USP42: variants seen among roughly 807,000 people sequenced by gnomAD.
USP42 encodes ubiquitin carboxyl-terminal hydrolase 42.
Under a neutral mutation model 113.0 loss-of-function variants are expected in USP42, and 23 were observed. That is an observed-to-expected ratio of 0.20 (90% CI 0.15 to 0.29). USP42 has a LOEUF of 0.29. USP42 is among the 10% of genes least tolerant of loss of function. USP42 has a pLI of 1.00. For missense variants in USP42, 2,174 were observed against 1,779.8 expected (o/e 1.22, Z -3.99); for synonymous variants, 933 against 699.0 (o/e 1.33, Z -5.28).
At chr7:6,134,039 C>T (rs562382201) in intron 3 of USP42, among the ~76,000 whole-genome samples, 2 of 152,026 alleles carry the variant, frequency 1.3e-5, no homozygotes, top group African/African-American at 4.8e-5. Context: ...TACAGGTGCC[C>T]ACCACCACGC....
the USP42 span, among the ~76,000 whole-genome samples, chr7:6,092,057 C>CTTCTTCT: frequency 7.1e-5 from 4 of 56,586 alleles, no homozygotes; most frequent in African/African-American, 3.0e-4. Flanking sequence ...CTTCTTCTTT[C>CTTCTTCT]TTCTTCTTCT....
At chr7:6,155,671 G>A (rs1048200938) in intron 15 of USP42, among the ~76,000 whole-genome samples, 3 of 152,208 alleles carry the variant, frequency 2.0e-5, no homozygotes, top group African/African-American at 7.2e-5. Flanking sequence ...CGCCTGCCCA[G>A]CGTAGGCATC....
the USP42 span, among the ~76,000 whole-genome samples, chr7:6,092,066 CTT>C: frequency 1.5e-5 from 1 of 67,860 alleles, no homozygotes; most frequent in African/African-American, 6.5e-5. Flanking sequence ...TCTTCTTCTT[CTT>C]CTTCTTCCTC....
rs983650663 is a variant in USP42 at position 6,158,112 on chromosome 7, G to T, written c.3943+1057G>T. Among the ~76,000 whole-genome samples the T allele has an allele frequency of 3.3e-5, 5 of 152,204 alleles. No individual in the cohort carries two copies. The highest frequency in any genetic ancestry group is 4.8e-5 in the African/African-American group (2 of 41,456). On this transcript the variant is annotated intron_variant, in intron 16 of 17. Coordinates refer to ENST00000306177, the MANE Select transcript of USP42 (RefSeq NM_032172.3). This position sits in a 1 kb window ranked among gnomAD's most constrained non-coding sequence, Gnocchi z 4.2. ...TGGTTTTAACCTTTTTAAGTGGTTG[G>T]AAATAATCCCAAAGAACAATGCGTT... is the stretch of plus-strand genomic sequence containing the variant.
the USP42 span, chr7:6,092,888 C>T: frequency 6.6e-6 from 1 of 151,096 alleles, no homozygotes; most frequent in South Asian, 2.1e-4. Context: ...TGGTGTTAAT[C>T]ATCCATTAGG....
the USP42 span, among the ~76,000 whole-genome samples, chr7:6,088,484 C>T: frequency 6.6e-6 from 1 of 151,106 alleles, no homozygotes; most frequent in Admixed American, 6.6e-5. Flanking sequence ...TCTGGAACTC[C>T]TGAGTTCAGG....
the USP42 span, among the ~76,000 whole-genome samples, chr7:6,092,470 C>T: frequency 2.6e-5 from 4 of 150,966 alleles, no homozygotes; most frequent in Non-Finnish European, 5.9e-5. Flanking sequence ...TGCGCCACCA[C>T]GCCCGGCCTC....
rs575280880 is a variant in USP42, at chr7:6,131,344, G to A, written c.443-4497G>A. Among the ~76,000 whole-genome samples the A allele has an allele frequency of 2.0e-5, 3 of 152,154 alleles. No homozygotes were observed. The South Asian group carries it at 6.2e-4, about 32-fold the overall frequency. On this transcript the variant is annotated intron_variant, in intron 3 of 17. Coordinates refer to ENST00000306177, the MANE Select transcript of USP42 (RefSeq NM_032172.3). The stretch of plus-strand genomic sequence containing the variant: ...ACAAACATTAGCCGGGTATGGTGGT[G>A]CATGCCTGTAATCCCAGCTACTCGA...
chr7:6,157,121 T>C lies in USP42; in HGVS notation c.3943+66T>C. ...TCTTAATACATTTTCTTTGCAAAGGTGATTAACATGTAGAAAGAAAACCTC... is the reference window on the plus strand; with the variant it reads ...TCTTAATACATTTTCTTTGCAAAGGCGATTAACATGTAGAAAGAAAACCTC... On this transcript the variant is annotated intron_variant, in intron 16 of 17. Transcript: ENST00000306177. The surrounding 1 kb of genome is among the most constrained non-coding windows in gnomAD (Gnocchi z 4.1). The C allele has an allele frequency of 1.4e-6, 2 of 1,464,354 alleles. No homozygotes were observed. Among genetic ancestry groups the C allele is most frequent in the Non-Finnish European group, 1.8e-6 (2 of 1,113,510 alleles). The allele number at this position is 1,464,354 out of a possible 1,614,324, so 90.7% of individuals were successfully genotyped here. A position where few individuals can be genotyped will look rare whatever the true frequency, so the allele number is the denominator to read the frequency against.
rs1183817805 is a variant in USP42, at chr7:6,149,642, G to A, written c.1446G>A (p.Ser482=). ...PLKDTPSSSM[S]SPNGNSSVNR... is the part of the protein sequence containing the mutation. ...AAGACACGCCAAGCAGTTCCATGTCGAGTCCTAACGGGAATTCCAGTGTCA... is the reference window on the plus strand; with the variant it reads ...AAGACACGCCAAGCAGTTCCATGTCAAGTCCTAACGGGAATTCCAGTGTCA... The change falls in exon 13 of 18, where the codon TCG becomes TCA. Residue 482 remains serine, a synonymous_variant. Transcript: ENST00000306177. 6 of 1,613,754 alleles carry A rather than the reference G, an allele frequency of 3.7e-6. No individual in the cohort carries two copies. The highest frequency in any genetic ancestry group is 1.6e-4 in the Middle Eastern group (1 of 6,084).
At chr7:6,093,502 C>T in the USP42 span, among the ~76,000 whole-genome samples, 3 of 150,658 alleles carry the variant, frequency 2.0e-5, no homozygotes, top group Non-Finnish European at 4.4e-5. Context: ...AGGCTGGTCT[C>T]GAACTCCTGA....
chr7:6,117,548 A>G (rs974682562), intron 3 of USP42, among the ~76,000 whole-genome samples: 1 of 152,202 alleles, frequency 6.6e-6, no homozygotes, highest in Non-Finnish European at 1.5e-5. Context: ...CATTTCTCTT[A>G]GGTAAATATC....
intron 3 of USP42, among the ~76,000 whole-genome samples, chr7:6,123,490 C>T (rs1426825905): frequency 4.6e-5 from 7 of 151,856 alleles, no homozygotes; most frequent in African/African-American, 7.3e-5. Context: ...GGTGAAACCC[C>T]GTCTCTACTA....
intron 3 of USP42, among the ~76,000 whole-genome samples, chr7:6,125,459 C>G (rs760143928): frequency 2.0e-5 from 3 of 152,178 alleles, no homozygotes; most frequent in African/African-American, 4.8e-5. Context: ...CACTGCACTC[C>G]AGCCTAGGCA....
chr7:6,136,102 T>C (rs1223291260), intron 4 of USP42, among the ~76,000 whole-genome samples, 151 bp downstream of exon 4: 1 of 151,668 alleles, frequency 6.6e-6, no homozygotes, highest in African/African-American at 2.4e-5. Flanking sequence ...CCTCCCAGGT[T>C]CAAACGATTG....
intron 1 of USP42, among the ~76,000 whole-genome samples, chr7:6,105,511 C>G (rs957259498): frequency 2.0e-5 from 3 of 149,602 alleles, no homozygotes; most frequent in Non-Finnish European, 4.5e-5. Context: ...CCCCGGAGCC[C>G]CCTCAGAGCC....
At position 6,150,393 on chromosome 7, in the gene USP42, A is replaced by G. The variant is rs1781976374; in HGVS notation, c.2107-19A>G. 4 of 1,612,916 alleles carry G rather than the reference A, an allele frequency of 2.5e-6. No homozygotes were observed. Among genetic ancestry groups the G allele is most frequent in the Non-Finnish European group, 3.4e-6 (4 of 1,179,074 alleles). Reference sequence around the variant, plus strand: ...TGGAGCTGGCGACTGAAGCTGAAATATTTTTGTTTTTATTGCAGTTGATGC... The same window carrying G: ...TGGAGCTGGCGACTGAAGCTGAAATGTTTTTGTTTTTATTGCAGTTGATGC... On this transcript the variant is annotated intron_variant, in intron 13 of 17. Transcript: ENST00000306177.
the USP42 span, among the ~76,000 whole-genome samples, chr7:6,095,529 C>T: frequency 6.6e-6 from 1 of 150,856 alleles, no homozygotes; most frequent in South Asian, 2.1e-4. Flanking sequence ...ATTAGCTGGG[C>T]GTGGTGGCAG....
upstream of USP42, among the ~76,000 whole-genome samples, chr7:6,100,476 C>T (rs1790087487): frequency 6.6e-6 from 1 of 150,694 alleles, no homozygotes; most frequent in African/African-American, 2.5e-5. Flanking sequence ...ATTACAGGTG[C>T]TTGCAACCAT....
Sources: allele counts gnomAD v4.1 joint callset (sites outside exome capture counted in the v4.1 genomes callset), GRCh38; gene constraint gnomAD v4.1.1; non-coding constraint Gnocchi (gnomAD v3.1); transcripts MANE v1.5; gene names NCBI Gene and HGNC (gene_info 2026-07-23, HGNC 2026-07-21).